Variants in MYO9B observed in about 807,000 individuals in gnomAD.
The protein encoded by MYO9B is unconventional myosin-IXb.
A neutral mutation model predicts 229.5 loss-of-function variants in MYO9B; 71 were observed. The observed-to-expected ratio is 0.31, with a 90% CI of 0.26 to 0.38. The LOEUF (loss-of-function observed/expected upper bound fraction) is 0.38. MYO9B is among the 10% of genes least tolerant of loss of function. MYO9B has a pLI of 1.00. For synonymous variants in MYO9B, 1,185 were observed against 1,235.8 expected, an observed-to-expected ratio of 0.96 and a Z score of 0.86; for missense variants, 2,255 against 2,920.5, an observed-to-expected ratio of 0.77 and a Z score of 5.25.
At position 17,206,008 on chromosome 19, in the gene MYO9B, C is replaced by G. The variant is rs1190928266; in HGVS notation, c.5113C>G (p.Leu1705Val). 5 of 1,604,360 alleles carry G rather than the reference C, an allele frequency of 3.1e-6. No homozygotes were observed. The highest frequency in any genetic ancestry group is 4.3e-6 in the Non-Finnish European group (5 of 1,175,060). Reference protein sequence around the residue: ...PGHFGVCVDSLTSDKASVPIV... With the variant: ...PGHFGVCVDSVTSDKASVPIV... ...CCACTTCGGCGTGTGCGTAGACAGC[C>G]TGACCAGCGACAAGGCCTCGGTGCC... is the stretch of plus-strand genomic sequence containing the variant. The change falls in exon 32 of 40, where the codon CTG becomes GTG. Residue 1705 changes from leucine (L) to valine (V), a missense_variant. Physicochemically the swap from Leu to Val is conservative, Grantham distance 32. Coordinates refer to ENST00000682292, the MANE Select transcript of MYO9B (RefSeq NM_004145.4).
In MYO9B at chr19:17,101,542, G is replaced by A; in HGVS notation, c.-58-118G>A. On this transcript the variant is annotated intron_variant, in intron 1 of 39. Transcript: ENST00000682292. This position sits in a 1 kb window ranked among gnomAD's most constrained non-coding sequence, Gnocchi z 4.7. ...GCCTCTGGCTTTTTGGGCGAGCCTAGTCGGGTGGGGAACTCCAGCATCGGG... is the reference window on the plus strand; with the variant it reads ...GCCTCTGGCTTTTTGGGCGAGCCTAATCGGGTGGGGAACTCCAGCATCGGG... 1.9e-6 allele frequency: 2 copies of A among 1,045,878 alleles called. No homozygotes were observed. The highest frequency in any genetic ancestry group is 2.6e-5 in the East Asian group (1 of 37,820). 64.8% of individuals were successfully genotyped at this position (1,045,878 alleles called of 1,614,324 possible).
chr19:17,090,118 C>CTTTT lies in MYO9B; in HGVS notation c.-58-11502_-58-11499dup, dbSNP rs59440394. 1.8e-3 allele frequency among the ~76,000 whole-genome samples: 88 copies of CTTTT among 49,234 alleles called. 17 individuals are homozygous for CTTTT. Among genetic ancestry groups the CTTTT allele is most frequent in the East Asian group, 7.5e-3 (12 of 1,604 alleles). 32.3% of individuals were successfully genotyped at this position (49,234 alleles called of 152,430 possible). ...TATAGCATGAATCGGTGCTTCCTTC[C>CTTTT]TTTTTTTTTTTTTTTTTTTTTTTTT... On this transcript the variant is annotated intron_variant, in intron 1 of 39. Coordinates refer to ENST00000682292, the MANE Select transcript of MYO9B (RefSeq NM_004145.4).
chr19:17,120,247 A>G (rs1429768037), intron 2 of MYO9B, among the ~76,000 whole-genome samples: 1 of 152,236 alleles, frequency 6.6e-6, no homozygotes, highest in Non-Finnish European at 1.5e-5. Flanking sequence ...GATGCCACAC[A>G]GTATACCATT....
chr19:17,136,325 CAG>C (rs2072269184), intron 2 of MYO9B, among the ~76,000 whole-genome samples: 1 of 152,118 alleles, frequency 6.6e-6, no homozygotes, highest in African/African-American at 2.4e-5. Context: ...GGAGACGAGT[CAG>C]TGCCTCGAGA....
Position 17,108,504 on chromosome 19 carries a change from GTGACACCCAGAA to G in MYO9B, c.840+5948_840+5959del, listed in dbSNP as rs1374081166. 5.3e-5 allele frequency among the ~76,000 whole-genome samples: 8 copies of G among 152,232 alleles called. No individual in the cohort carries two copies. In the East Asian group the frequency reaches 1.5e-3, roughly 29 times the overall value. Reference sequence around the variant, plus strand: ...CAGGAGCACTCCCCACCCCGCAGGTGTGACACCCAGAAGTGTCCCCAGACATTTCATTGATTA... The same window carrying G: ...CAGGAGCACTCCCCACCCCGCAGGTGGTGTCCCCAGACATTTCATTGATTA... On this transcript the variant is annotated intron_variant, in intron 2 of 39. Coordinates refer to ENST00000682292, the MANE Select transcript of MYO9B (RefSeq NM_004145.4).
chr19:17,096,576 A>G (rs568310510), intron 1 of MYO9B, among the ~76,000 whole-genome samples: 86 of 150,980 alleles, frequency 5.7e-4, no homozygotes, highest in African/African-American at 2.0e-3. Context: ...GTGAGCTGAG[A>G]TCATGCCACT....
Position 17,100,689 on chromosome 19 carries a change from G to C in MYO9B, c.-58-971G>C, listed in dbSNP as rs367700217. Among the ~76,000 whole-genome samples, 24 of 152,178 alleles carry C rather than the reference G, an allele frequency of 1.6e-4. No individual in the cohort carries two copies. The East Asian group carries it at 3.3e-3, about 21-fold the overall frequency. The stretch of plus-strand genomic sequence containing the variant: ...TTGCCCGTGACCTTGGCAGTCTTGG[G>C]ACCACCAGCCATATTCCTGCAGGAT... On this transcript the variant is annotated intron_variant, in intron 1 of 39. Transcript: ENST00000682292.
chr19:17,162,604 C>A, intron 9 of MYO9B, 138 bp downstream of exon 9: 1 of 755,272 alleles, frequency 1.3e-6, no homozygotes, highest in South Asian at 1.7e-5. Flanking sequence ...AAGGACAGGC[C>A]CAGGAAACAG....
intron 10 of MYO9B, 112 bp downstream of exon 10, chr19:17,163,234 C>T: frequency 8.4e-7 from 1 of 1,191,368 alleles, no homozygotes; most frequent in African/African-American, 1.5e-5. Flanking sequence ...TAAGTACATT[C>T]ACATATTCGC....
intron 2 of MYO9B, among the ~76,000 whole-genome samples, chr19:17,111,580 C>T (rs1327046867): frequency 6.6e-6 from 1 of 152,058 alleles, no homozygotes; most frequent in Non-Finnish European, 1.5e-5. Flanking sequence ...ACACCACCAC[C>T]CCTGGCTAAT....
intron 2 of MYO9B, among the ~76,000 whole-genome samples, chr19:17,118,209 G>T (rs2057925340): frequency 6.6e-6 from 1 of 152,020 alleles, no homozygotes; most frequent in African/African-American, 2.4e-5. Context: ...GAGGCAGAGA[G>T]ACCTGCTTTA....
intron 2 of MYO9B, among the ~76,000 whole-genome samples, chr19:17,142,566 G>A (rs2072355026): frequency 6.6e-6 from 1 of 151,880 alleles, no homozygotes; most frequent in Non-Finnish European, 1.5e-5. Context: ...GTCCAGCAGT[G>A]AGCCCAGAAT....
Position 17,200,444 on chromosome 19 carries a change from T to A in MYO9B, c.4372+18T>A. 1 of 1,558,854 alleles carries A rather than the reference T, an allele frequency of 6.4e-7. No homozygotes were observed. Among genetic ancestry groups the A allele is most frequent in the Non-Finnish European group, 8.7e-7 (1 of 1,152,072 alleles). ...CCTGGAAGGTTGGTAGCCTGCAGCCTCAGGGACAGACAGTAGAGCCACCAG... is the reference window on the plus strand; with the variant it reads ...CCTGGAAGGTTGGTAGCCTGCAGCCACAGGGACAGACAGTAGAGCCACCAG... On this transcript the variant is annotated intron_variant, in intron 25 of 39. Coordinates refer to ENST00000682292, the MANE Select transcript of MYO9B (RefSeq NM_004145.4).
chr19:17,137,589 G>A (rs534507524), intron 2 of MYO9B, among the ~76,000 whole-genome samples: 33 of 152,164 alleles, frequency 2.2e-4, no homozygotes, highest in African/African-American at 7.2e-4. Flanking sequence ...GCTCCTCCCT[G>A]TTTCCTTGTC....
intron 29 of MYO9B, 102 bp downstream of exon 29, chr19:17,202,985 G>A (rs1410367917): frequency 2.1e-5 from 30 of 1,407,932 alleles, no homozygotes; most frequent in African/African-American, 2.9e-5. Context: ...GTCTGCACGC[G>A]TATGTGTGCG....
In MYO9B at chr19:17,193,601, G is replaced by A. The variant is rs2073009846; in HGVS notation, c.3128+539G>A. Among the ~76,000 whole-genome samples, 1 of 152,202 alleles carries A rather than the reference G, an allele frequency of 6.6e-6. No homozygotes were observed. The highest frequency in any genetic ancestry group is 2.1e-4 in the South Asian group (1 of 4,836). The stretch of plus-strand genomic sequence containing the variant: ...ACACATGCAAAAGCCTCCTAGGCCA[G>A]GTGCAATGGCTCATGCCTGTAATCC... On this transcript the variant is annotated intron_variant, in intron 21 of 39. Transcript: ENST00000682292. The surrounding 1 kb of genome is among the most constrained non-coding windows in gnomAD (Gnocchi z 4.3).
intron 1 of MYO9B, among the ~76,000 whole-genome samples, chr19:17,092,488 G>A (rs907975092): frequency 4.6e-5 from 7 of 152,162 alleles, no homozygotes; most frequent in African/African-American, 1.7e-4. Context: ...AGTATATGCT[G>A]GGCGAGGCGG....
chr19:17,189,634 A>G (rs2072958723), intron 19 of MYO9B, among the ~76,000 whole-genome samples: 1 of 152,062 alleles, frequency 6.6e-6, no homozygotes, highest in African/African-American at 2.4e-5. Flanking sequence ...AAAAAAAAAC[A>G]TGTTCCTCCA....
chr19:17,123,032 A>G (rs1294841514), intron 2 of MYO9B, among the ~76,000 whole-genome samples: 2 of 152,144 alleles, frequency 1.3e-5, no homozygotes, highest in Non-Finnish European at 2.9e-5. Context: ...GGCTGAAGTG[A>G]GCTACGATCA....
Sources: gnomAD v4.1 joint callset for allele counts (sites outside exome capture counted in the v4.1 genomes callset) on GRCh38, gnomAD v4.1.1 for gene constraint, Gnocchi (gnomAD v3.1) non-coding constraint, MANE v1.5 for transcripts, NCBI Gene and HGNC (gene_info 2026-07-23, HGNC 2026-07-21) for gene names.